NTRK3: variants seen among roughly 807,000 people sequenced by gnomAD.
NTRK3 encodes the protein neurotrophic receptor tyrosine kinase 3, also known as NT-3 growth factor receptor.
A neutral mutation model predicts 91.7 loss-of-function variants in NTRK3; 24 were observed. The ratio of observed to expected loss-of-function variants is 0.26; its 90% CI spans 0.19 to 0.37. The LOEUF is 0.37. Ranked by LOEUF, NTRK3 falls within the 10% of genes least tolerant of loss-of-function variation. The pLI is 1.00. For missense variants in NTRK3, 880 were observed against 1,068.9 expected (o/e 0.82, Z 2.46); for synonymous variants, 483 against 404.0 (o/e 1.20, Z -2.34).
At chr15:88,216,326 C>A (rs1169853480) in intron 3 of NTRK3, among the ~76,000 whole-genome samples, 1 of 152,230 alleles carries the variant, frequency 6.6e-6, no homozygotes, top group African/African-American at 2.4e-5. Context: ...GGCTCAGCAT[C>A]CTGGCCATCC....
intron 13 of NTRK3, among the ~76,000 whole-genome samples, chr15:88,112,122 G>A (rs139834177): frequency 9.9e-4 from 151 of 152,210 alleles, no homozygotes; most frequent in African/African-American, 3.4e-3. Flanking sequence ...TAGCCAGGAT[G>A]GTCTTGATCT....
At chr15:88,117,568 G>A (rs1292021179) in intron 13 of NTRK3, among the ~76,000 whole-genome samples, 2 of 152,218 alleles carry the variant, frequency 1.3e-5, no homozygotes, top group East Asian at 1.9e-4. Flanking sequence ...CCTGTGACCT[G>A]ACTCTGTGCT....
At chr15:88,113,311 CTTTTT>C (rs60232101) in intron 13 of NTRK3, among the ~76,000 whole-genome samples, 2 of 111,640 alleles carry the variant, frequency 1.8e-5, no homozygotes, top group East Asian at 2.8e-4. Flanking sequence ...TGATCAATTT[CTTTTT>C]TTTTTTTTTT....
intron 14 of NTRK3, chr15:87,978,549 A>G (rs1397232623): frequency 4.4e-6 from 1 of 228,918 alleles, no homozygotes; most frequent in African/African-American, 2.2e-5. Flanking sequence ...TTCATGGGTA[A>G]AACCTCCTGC....
At chr15:88,253,593 T>C (rs1016148015) in intron 3 of NTRK3, 1 of 152,246 alleles carries the variant, frequency 6.6e-6, no homozygotes, top group African/African-American at 2.4e-5. Flanking sequence ...GGGGAAAAGA[T>C]GGGGCAAGGA....
chr15:88,193,324 C>T (rs1481047267), intron 3 of NTRK3, among the ~76,000 whole-genome samples: 2 of 152,174 alleles, frequency 1.3e-5, no homozygotes, highest in African/African-American at 2.4e-5. Context: ...GGAGGCATAA[C>T]TGCAGGGCAC....
exon 2 of NTRK3, chr15:88,256,338 G>GGAC (rs1177765812): frequency 3.6e-5 from 23 of 644,324 alleles, no homozygotes; most frequent in Non-Finnish European, 6.1e-5. Context: ...AAACCATCGC[G>GGAC]GACGCCGCCG....
intron 14 of NTRK3, among the ~76,000 whole-genome samples, chr15:87,997,314 T>G (rs774558755): frequency 6.6e-6 from 1 of 151,994 alleles, no homozygotes; most frequent in Non-Finnish European, 1.5e-5. Context: ...CAGCCGTGAG[T>G]GTCCTAAGAA....
rs1326135344 is a variant in NTRK3, at chr15:87,954,619, C to G, written c.1586-13866G>C. ...AAAAAAAATATTATCTGCAACAGAGCAAAACCACTTGATAAATGTTTCATT... is the reference window on the plus strand; with the variant it reads ...AAAAAAAATATTATCTGCAACAGAGGAAAACCACTTGATAAATGTTTCATT... On this transcript the variant is annotated intron_variant, in intron 14 of 18. Transcript: ENST00000394480. 2.6e-5 allele frequency among the ~76,000 whole-genome samples: 4 copies of G among 152,306 alleles called. No individual in the cohort carries two copies. In the South Asian group the frequency reaches 8.3e-4, roughly 32 times the overall value.
intron 14 of NTRK3, among the ~76,000 whole-genome samples, chr15:87,943,035 A>T (rs1167375388): frequency 6.6e-6 from 1 of 152,078 alleles, no homozygotes; most frequent in Non-Finnish European, 1.5e-5. Context: ...TCTGCATTGT[A>T]ATAGGAGAAC....
intron 17 of NTRK3, chr15:87,916,432 C>A (rs1035449384): frequency 1.0e-4 from 69 of 692,262 alleles, no homozygotes; most frequent in Non-Finnish European, 1.6e-4. Flanking sequence ...TCAATGGTCT[C>A]CTTCAGCCTT....
exon 19 of NTRK3, chr15:87,866,234 C>T (rs2141388848): frequency 4.7e-6 from 1 of 214,366 alleles, no homozygotes; most frequent in African/African-American, 2.3e-5. Flanking sequence ...TCCCATTATC[C>T]TCCCTCTACC....
At chr15:88,013,647 C>T (rs2077034914) in intron 14 of NTRK3, among the ~76,000 whole-genome samples, 1 of 152,212 alleles carries the variant, frequency 6.6e-6, no homozygotes, top group African/African-American at 2.4e-5. Flanking sequence ...CTCAGACACC[C>T]TTCTAAGAGA....
intron 13 of NTRK3, among the ~76,000 whole-genome samples, chr15:88,061,525 A>AGAGCAG (rs1041104608): frequency 2.0e-5 from 3 of 152,264 alleles, no homozygotes; most frequent in Non-Finnish European, 2.9e-5. Context: ...GAAGCGGCAC[A>AGAGCAG]GAGCAGGAGC....
intron 13 of NTRK3, among the ~76,000 whole-genome samples, chr15:88,043,714 C>A (rs1177579675): frequency 6.6e-6 from 1 of 152,164 alleles, no homozygotes; most frequent in Non-Finnish European, 1.5e-5. Flanking sequence ...ACTAGGTGAT[C>A]CTGGATGGCT....
At chr15:87,872,794 A>G (rs1300487501) in exon 19 of NTRK3, 10 of 232,580 alleles carry the variant, frequency 4.3e-5, no homozygotes, top group Non-Finnish European at 8.5e-5. Flanking sequence ...CTTTCACTTC[A>G]TCTCTTATTT....
intron 17 of NTRK3, among the ~76,000 whole-genome samples, chr15:87,917,731 C>T (rs1385536610): frequency 6.6e-6 from 1 of 152,108 alleles, no homozygotes; most frequent in African/African-American, 2.4e-5. Flanking sequence ...GAGATCTAGT[C>T]ATTAAAGAGT....
At chr15:87,969,313 C>CT (rs1430728738) in intron 14 of NTRK3, among the ~76,000 whole-genome samples, 1 of 152,142 alleles carries the variant, frequency 6.6e-6, no homozygotes, top group Non-Finnish European at 1.5e-5. Context: ...TGCCAGAGTC[C>CT]CTTTAAGGGA....
At chr15:88,034,396 G>T (rs929173001) in intron 13 of NTRK3, among the ~76,000 whole-genome samples, 23 of 152,318 alleles carry the variant, frequency 1.5e-4, no homozygotes, top group African/African-American at 5.3e-4. Flanking sequence ...GCCCAAGATG[G>T]CAAAGATAAT....
Sources: gnomAD v4.1 joint callset for allele counts (sites outside exome capture counted in the v4.1 genomes callset) on GRCh38, gnomAD v4.1.1 for gene constraint, MANE v1.5 for transcripts, NCBI Gene and HGNC (gene_info 2026-07-23, HGNC 2026-07-21) for gene names.